LTBP1: variants seen among roughly 807,000 people sequenced by gnomAD.
The protein encoded by LTBP1 is latent transforming growth factor beta binding protein 1.
In LTBP1, 129 loss-of-function variants were observed where a neutral mutation model predicts 207.6. The ratio of observed to expected loss-of-function variants is 0.62; its 90% CI spans 0.54 to 0.72. The LOEUF (loss-of-function observed/expected upper bound fraction) is 0.72, where lower values mean the gene tolerates loss of function less well. LTBP1 is among the 30% of genes least tolerant of loss of function. The pLI is 0.00. For missense variants in LTBP1, 2,281 were observed against 2,217.2 expected, an observed-to-expected ratio of 1.03 and a Z score of -0.58; for synonymous variants, 963 against 833.7, an observed-to-expected ratio of 1.16 and a Z score of -2.67.
At chr2:33,289,977 A>C (rs1257676410) in intron 19 of LTBP1, among the ~76,000 whole-genome samples, 2 of 152,170 alleles carry the variant, frequency 1.3e-5, no homozygotes, top group Admixed American at 1.3e-4. Flanking sequence ...ATTTATGAAG[A>C]AGAGAGGTTT....
chr2:33,059,730 AC>A (rs145061718), intron 3 of LTBP1, among the ~76,000 whole-genome samples: 14,755 of 152,172 alleles, frequency 0.097, 950 homozygotes, highest in Non-Finnish European at 0.14. Context: ...CAAGAGGGAG[AC>A]TTTTTTCCAT....
intron 5 of LTBP1, among the ~76,000 whole-genome samples, chr2:33,139,060 G>A (rs534307883): frequency 1.1e-3 from 164 of 151,200 alleles, no homozygotes; most frequent in Middle Eastern, 6.8e-3. Context: ...GGGTTTCACC[G>A]TGTTAGCCAG....
chr2:33,255,057 C>T (rs1460701675), intron 11 of LTBP1, among the ~76,000 whole-genome samples: 25 of 119,142 alleles, frequency 2.1e-4, no homozygotes, highest in Non-Finnish European at 2.1e-4. Flanking sequence ...AGGTATATCT[C>T]CCAGTGCTAT....
At chr2:33,319,999 G>A (rs1013699819) in intron 24 of LTBP1, among the ~76,000 whole-genome samples, 1 of 152,160 alleles carries the variant, frequency 6.6e-6, no homozygotes, top group Admixed American at 6.6e-5. Flanking sequence ...AGGTACTGGG[G>A]CCTTGTCAGT....
intron 4 of LTBP1, among the ~76,000 whole-genome samples, chr2:33,116,948 G>C (rs1361287772): frequency 1.3e-5 from 2 of 152,210 alleles, no homozygotes; most frequent in East Asian, 3.8e-4. Context: ...CCCACCTGCA[G>C]TGGCACCACA....
intron 4 of LTBP1, among the ~76,000 whole-genome samples, chr2:33,127,303 G>A (rs1208356658): frequency 2.0e-5 from 3 of 151,932 alleles, no homozygotes; most frequent in African/African-American, 4.8e-5. Flanking sequence ...TGTCTGCCTC[G>A]GTGTCGGAAG....
intron 22 of LTBP1, among the ~76,000 whole-genome samples, chr2:33,306,130 A>C (rs960771569): frequency 1.3e-5 from 2 of 152,242 alleles, no homozygotes; most frequent in African/African-American, 4.8e-5. Context: ...TGCAAAAAAA[A>C]ATTTAAACTA....
chr2:33,198,765 T>C (rs2088857214), intron 7 of LTBP1, among the ~76,000 whole-genome samples: 1 of 152,200 alleles, frequency 6.6e-6, no homozygotes, highest in South Asian at 2.1e-4. Context: ...CATTTTTTAT[T>C]GCGTCTATTT....
chr2:33,342,003 C>G (rs2094632338), intron 24 of LTBP1, among the ~76,000 whole-genome samples: 1 of 151,880 alleles, frequency 6.6e-6, no homozygotes, highest in Non-Finnish European at 1.5e-5. Context: ...GAGCAGAGTA[C>G]CAGGTGATGG....
intron 5 of LTBP1, among the ~76,000 whole-genome samples, chr2:33,136,701 C>T (rs2082169988): frequency 6.6e-6 from 1 of 151,994 alleles, no homozygotes; most frequent in Non-Finnish European, 1.5e-5. Flanking sequence ...TTTTGGCTTC[C>T]AGTGTATTCA....
At chr2:33,171,438 C>T (rs888683708) in intron 5 of LTBP1, among the ~76,000 whole-genome samples, 3 of 147,800 alleles carry the variant, frequency 2.0e-5, no homozygotes, top group East Asian at 2.0e-4. Flanking sequence ...CGAAATGAAG[C>T]GAGAAGGGAA....
At chr2:33,037,158 C>T (rs1384803720) in intron 3 of LTBP1, among the ~76,000 whole-genome samples, 1 of 150,140 alleles carries the variant, frequency 6.7e-6, no homozygotes, top group African/African-American at 2.4e-5. Context: ...GACTAATTCT[C>T]CCCCTGTCCC....
intron 2 of LTBP1, among the ~76,000 whole-genome samples, chr2:32,994,168 C>T (rs72791733): frequency 0.1 from 15,418 of 152,178 alleles, 988 homozygotes; most frequent in Non-Finnish European, 0.14. Flanking sequence ...AAACCCTTGT[C>T]ATCAGAGGTC....
At chr2:33,018,133 A>G (rs1204506767) in intron 2 of LTBP1, among the ~76,000 whole-genome samples, 3 of 151,886 alleles carry the variant, frequency 2.0e-5, no homozygotes. Context: ...TTCCAGTAGA[A>G]AATATTTGTA....
chr2:33,140,505 A>G (rs990531071), intron 5 of LTBP1, among the ~76,000 whole-genome samples: 1 of 152,166 alleles, frequency 6.6e-6, no homozygotes. Flanking sequence ...TAGTAAAAGA[A>G]AGTGGTTGCT....
At chr2:33,246,344 G>A (rs1006772395) in intron 10 of LTBP1, among the ~76,000 whole-genome samples, 4 of 152,202 alleles carry the variant, frequency 2.6e-5, no homozygotes, top group African/African-American at 9.7e-5. Context: ...GCTTGATGGG[G>A]GAAGTCTGAA....
intron 9 of LTBP1, among the ~76,000 whole-genome samples, chr2:33,227,359 A>G (rs2091498667): frequency 6.6e-6 from 1 of 152,200 alleles, no homozygotes; most frequent in Non-Finnish European, 1.5e-5. Flanking sequence ...TTACTCTAGG[A>G]ATTATAATGT....
chr2:33,389,080 G>A lies in LTBP1; in HGVS notation c.4712-104G>A, dbSNP rs974412931. 13 of 1,503,648 alleles carry A rather than the reference G, an allele frequency of 8.6e-6. No homozygotes were observed. The African/African-American group carries it at 9.6e-5, about 11-fold the overall frequency. 93.1% of individuals were successfully genotyped at this position (1,503,648 alleles called of 1,614,324 possible). On this transcript the variant is annotated intron_variant, in intron 31 of 33. Coordinates refer to ENST00000404816, the MANE Select transcript of LTBP1 (RefSeq NM_206943.4). ...TGGTACGCAGGAGATGGAGACACAC[G>A]TGGAAGGGTGTGCTGGCAGATTCCC...
chr2:33,101,664 T>A (rs1172039677), intron 3 of LTBP1, among the ~76,000 whole-genome samples: 1 of 152,214 alleles, frequency 6.6e-6, no homozygotes, highest in African/African-American at 2.4e-5. Context: ...CTGTTTACAT[T>A]TTGAATTTTT....
Sources: allele counts gnomAD v4.1 joint callset (sites outside exome capture counted in the v4.1 genomes callset), GRCh38; gene constraint gnomAD v4.1.1; transcripts MANE v1.5; gene names NCBI Gene and HGNC (gene_info 2026-07-23, HGNC 2026-07-21).